Variants in MAGI2 observed in about 807,000 individuals in gnomAD.
MAGI2 encodes the protein membrane-associated guanylate kinase, WW and PDZ domain-containing protein 2.
MAGI2 carries 35 observed loss-of-function variants against 133.3 expected under a neutral mutation model. That is an observed-to-expected ratio of 0.26 (90% CI 0.20 to 0.35). The LOEUF is 0.35. Ranked by LOEUF, MAGI2 falls within the 10% of genes least tolerant of loss-of-function variation. MAGI2 has a pLI of 1.00. For synonymous variants in MAGI2, 729 were observed against 710.6 expected (o/e 1.03, Z -0.41); for missense variants, 1,636 against 1,863.4 (o/e 0.88, Z 2.25).
chr7:78,347,165 T>C (rs1418176654), intron 7 of MAGI2: 1 of 152,228 alleles, frequency 6.6e-6, no homozygotes, highest in African/African-American at 2.4e-5. Context: ...CAATTTCACA[T>C]TGGCATGTGC....
rs760231589 is a variant in MAGI2, at chr7:78,343,938, A to G, written c.1248T>C (p.Asp416=). The G allele has an allele frequency of 6.2e-7, 1 of 1,610,054 alleles. No homozygotes were observed. The highest frequency in any genetic ancestry group is 1.1e-5 in the South Asian group (1 of 90,388). ...GFREKPLFTR[D]ASQLKGTFLS... ...GGAATGTTCCCTTCAACTGGGATGC[A>G]TCCCGGGTGAAGAGTGGTTTTTCTA... The change falls in exon 9 of 22, where the codon GAT becomes GAC. Residue 416 remains aspartate, a synonymous_variant. Transcript: ENST00000354212.
intron 1 of MAGI2, among the ~76,000 whole-genome samples, chr7:79,221,273 A>G (rs931734957): frequency 6.6e-6 from 1 of 152,098 alleles, no homozygotes; most frequent in Non-Finnish European, 1.5e-5. Context: ...ACCTTTTATA[A>G]GAAATGTGGA....
chr7:78,103,381 G>C (rs1422066056), intron 20 of MAGI2, among the ~76,000 whole-genome samples: 1 of 152,200 alleles, frequency 6.6e-6, no homozygotes, highest in East Asian at 1.9e-4. Context: ...TATTTCCAAA[G>C]AGTAGGGATT....
intron 2 of MAGI2, among the ~76,000 whole-genome samples, chr7:78,750,375 A>T (rs1823343801): frequency 6.6e-6 from 1 of 152,118 alleles, no homozygotes; most frequent in South Asian, 2.1e-4. Context: ...TTTATGGTAG[A>T]ATGATTTATA....
chr7:78,810,172 GA>G (rs1021326742), intron 2 of MAGI2, among the ~76,000 whole-genome samples: 1 of 151,738 alleles, frequency 6.6e-6, no homozygotes, highest in Non-Finnish European at 1.5e-5. Context: ...ATAAGTTATA[GA>G]TTTTTTTTTT....
chr7:79,453,055 C>A lies in MAGI2; in HGVS notation c.266G>T (p.Cys89Phe). ...ACACTTGAGCCGGAGGGGGTCCTTG[C>A]AGTGTTTGATCACGGCCAGCACGTC... ...IRDVLAVIKH[C>F]KDPLRLKCVK... Residue 89 changes from cysteine (C) to phenylalanine (F), a missense_variant, in exon 1 of 22, where the codon TGC (cysteine) becomes TTC (phenylalanine). Coordinates refer to ENST00000354212, the MANE Select transcript of MAGI2 (RefSeq NM_012301.4). 6.2e-7 allele frequency: 1 copy of A among 1,609,294 alleles called. No homozygotes were observed. Among genetic ancestry groups the A allele is most frequent in the Non-Finnish European group, 8.5e-7 (1 of 1,177,746 alleles).
chr7:79,009,547 C>A lies in MAGI2; in HGVS notation c.302-2341G>T, dbSNP rs139395193. Among the ~76,000 whole-genome samples, 360 of 152,228 alleles carry A rather than the reference C, an allele frequency of 2.4e-3. 4 individuals carry two copies. Among genetic ancestry groups the A allele is most frequent in the African/African-American group, 7.6e-3 (316 of 41,552 alleles). On this transcript the variant is annotated intron_variant, in intron 1 of 21. Coordinates refer to ENST00000354212, the MANE Select transcript of MAGI2 (RefSeq NM_012301.4). ...TTTTATTAATCCAGTATTCTTACAGCAAATTCTGCTAGTTGCCTACCCAAT... is the reference window on the plus strand; with the variant it reads ...TTTTATTAATCCAGTATTCTTACAGAAAATTCTGCTAGTTGCCTACCCAAT...
chr7:78,420,699 T>C (rs1473515708), intron 6 of MAGI2, among the ~76,000 whole-genome samples: 2 of 152,182 alleles, frequency 1.3e-5, no homozygotes, highest in Non-Finnish European at 2.9e-5. Flanking sequence ...TTTAATTTAA[T>C]GTTTCAGTTC....
chr7:78,141,227 G>A (rs946142486), intron 16 of MAGI2, among the ~76,000 whole-genome samples: 3 of 152,124 alleles, frequency 2.0e-5, no homozygotes, highest in African/African-American at 7.2e-5. Flanking sequence ...TCCCGTGAAT[G>A]GAGACTGAGC....
At chr7:79,360,449 C>A (rs1204207405) in intron 1 of MAGI2, among the ~76,000 whole-genome samples, 2 of 151,870 alleles carry the variant, frequency 1.3e-5, no homozygotes, top group Non-Finnish European at 2.9e-5. Flanking sequence ...GAAGGAACAA[C>A]AAAAGAAGCT....
At chr7:78,079,227 T>C in intron 20 of MAGI2, 142 bp from the exon 21 acceptor site, 2 of 761,024 alleles carry the variant, frequency 2.6e-6, no homozygotes, top group Non-Finnish European at 2.2e-6. Context: ...TGGAAGAGGC[T>C]ATTCCCTGGC....
intron 1 of MAGI2, among the ~76,000 whole-genome samples, chr7:79,271,632 A>G (rs575911578): frequency 6.6e-6 from 1 of 150,634 alleles, no homozygotes; most frequent in Admixed American, 6.6e-5. Flanking sequence ...AGGAAAACAA[A>G]TATTTCTGCA....
intron 1 of MAGI2, among the ~76,000 whole-genome samples, chr7:79,195,581 C>G (rs143208789): frequency 7.9e-5 from 12 of 152,030 alleles, no homozygotes; most frequent in Non-Finnish European, 1.8e-4. Flanking sequence ...ATGAAACCAG[C>G]CACTCTTCTC....
At chr7:78,708,029 C>T (rs1417777316) in intron 2 of MAGI2, among the ~76,000 whole-genome samples, 1 of 151,834 alleles carries the variant, frequency 6.6e-6, no homozygotes, top group Non-Finnish European at 1.5e-5. Flanking sequence ...GAAGATTTAC[C>T]ATGATAAAGT....
chr7:78,798,245 G>A (rs1201365195), intron 2 of MAGI2, among the ~76,000 whole-genome samples: 1 of 152,062 alleles, frequency 6.6e-6, no homozygotes, highest in Non-Finnish European at 1.5e-5. Context: ...TCATCTTACA[G>A]GAGAAATTGC....
chr7:78,132,884 T>G lies in MAGI2; in HGVS notation c.3203+5A>C. 6.2e-7 allele frequency: 1 copy of G among 1,613,992 alleles called. No homozygotes were observed. Among genetic ancestry groups the G allele is most frequent in the East Asian group, 2.2e-5 (1 of 44,862 alleles). On this transcript the variant is annotated splice_donor_5th_base_variant and intron_variant, in intron 18 of 21. Transcript: ENST00000354212. Reference sequence around the variant, plus strand: ...CAGAATCACAAAAGTCAGAGGAAATTTTACCTATTTTCGTGTCCTTGCAGC... The same window carrying G: ...CAGAATCACAAAAGTCAGAGGAAATGTTACCTATTTTCGTGTCCTTGCAGC...
intron 1 of MAGI2, among the ~76,000 whole-genome samples, chr7:79,298,467 A>T (rs1240289732): frequency 6.6e-6 from 1 of 152,312 alleles, no homozygotes; most frequent in African/African-American, 2.4e-5. Context: ...TGTAACACAC[A>T]AAAAAACCTG....
chr7:79,198,270 A>G (rs2364346), intron 1 of MAGI2, among the ~76,000 whole-genome samples: 14,842 of 151,280 alleles, frequency 0.098, 2,177 homozygotes, highest in African/African-American at 0.31. Flanking sequence ...ACAAACAAAC[A>G]ACAACAACAA....
chr7:78,899,423 G>A (rs899519964), intron 2 of MAGI2, among the ~76,000 whole-genome samples: 4 of 152,146 alleles, frequency 2.6e-5, no homozygotes, highest in African/African-American at 4.8e-5. Context: ...TGTGATGGAA[G>A]GAAAATAGGC....
Sources: allele counts gnomAD v4.1 joint callset (sites outside exome capture counted in the v4.1 genomes callset), GRCh38; gene constraint gnomAD v4.1.1; transcripts MANE v1.5; gene names NCBI Gene and HGNC (gene_info 2026-07-23, HGNC 2026-07-21).